The following SGCZ variants were observed in gnomAD, a reference collection of about 807,000 sequenced individuals.
SGCZ encodes zeta-sarcoglycan.
Under a neutral mutation model 41.3 loss-of-function variants are expected in SGCZ, and 40 were observed. The observed-to-expected ratio is 0.97, with a 90% CI of 0.75 to 1.26. The LOEUF (loss-of-function observed/expected upper bound fraction) is 1.26, where lower values mean the gene tolerates loss of function less well. SGCZ is among the 50% of genes most tolerant of loss of function. The probability of loss-of-function intolerance (pLI) is 0.00; values close to 1 mark genes in which losing one functional copy is unlikely to be tolerated. For synonymous variants in SGCZ, 206 were observed against 137.5 expected (o/e 1.50, Z -3.49); for missense variants, 552 against 369.8 (o/e 1.49, Z -4.04).
At chr8:15,230,414 T>C (rs1049582016) in intron 1 of SGCZ, among the ~76,000 whole-genome samples, 42 of 152,216 alleles carry the variant, frequency 2.8e-4, no homozygotes, top group African/African-American at 9.6e-4. Context: ...TATTCTACTA[T>C]CTGTTAACCT....
chr8:14,613,655 T>C (rs1806002544), intron 1 of SGCZ, among the ~76,000 whole-genome samples: 1 of 152,200 alleles, frequency 6.6e-6, no homozygotes. Context: ...ATCATGTAAA[T>C]GATATGCAAA....
chr8:14,971,899 C>G (rs927407962), intron 1 of SGCZ, among the ~76,000 whole-genome samples: 1 of 151,964 alleles, frequency 6.6e-6, no homozygotes, highest in Non-Finnish European at 1.5e-5. Flanking sequence ...CACCCTGCCT[C>G]GGCCTCCCAT....
At chr8:14,382,877 G>A (rs1563293225) in intron 2 of SGCZ, among the ~76,000 whole-genome samples, 2 of 152,148 alleles carry the variant, frequency 1.3e-5, no homozygotes, top group Non-Finnish European at 2.9e-5. Flanking sequence ...AATGGTTACT[G>A]ACCTCCAGTA....
intron 1 of SGCZ, among the ~76,000 whole-genome samples, chr8:15,098,211 G>A (rs1220627033): frequency 6.6e-6 from 1 of 151,534 alleles, no homozygotes; most frequent in East Asian, 1.9e-4. Flanking sequence ...AAGACAGAAA[G>A]GAGTGAAAAA....
At chr8:14,592,573 T>C (rs181047663) in intron 1 of SGCZ, among the ~76,000 whole-genome samples, 217 of 150,644 alleles carry the variant, frequency 1.4e-3, no homozygotes, top group Non-Finnish European at 2.5e-3. Context: ...ACACCTAGCA[T>C]ATTTTATTAC....
chr8:15,155,067 G>A (rs1168543291), intron 1 of SGCZ, among the ~76,000 whole-genome samples: 7 of 152,132 alleles, frequency 4.6e-5, no homozygotes, highest in South Asian at 2.1e-4. Context: ...CAAGGAAAGT[G>A]GATAGCTTGA....
At chr8:14,910,300 AT>A (rs1307932638) in intron 1 of SGCZ, among the ~76,000 whole-genome samples, 5 of 152,082 alleles carry the variant, frequency 3.3e-5, no homozygotes, top group Non-Finnish European at 5.9e-5. Flanking sequence ...ATTGATATAT[AT>A]TTAGTCAGTT....
At chr8:14,342,370 G>A (rs1802740476) in intron 2 of SGCZ, among the ~76,000 whole-genome samples, 1 of 152,116 alleles carries the variant, frequency 6.6e-6, no homozygotes, top group Admixed American at 6.5e-5. Context: ...AGGCTGGAGT[G>A]CACTGGCGCT....
At chr8:14,487,572 T>C in intron 2 of SGCZ, among the ~76,000 whole-genome samples, 1 of 122,710 alleles carries the variant, frequency 8.1e-6, no homozygotes, top group East Asian at 2.5e-4. Flanking sequence ...TTAGTGATAA[T>C]TTATTTCAAT....
intron 3 of SGCZ, among the ~76,000 whole-genome samples, chr8:14,270,493 C>T (rs1326851735): frequency 6.6e-6 from 1 of 152,062 alleles, no homozygotes; most frequent in Non-Finnish European, 1.5e-5. Context: ...TCTAAATCAA[C>T]ATGGCCCAAG....
At chr8:14,888,784 G>A (rs1271305527) in intron 1 of SGCZ, among the ~76,000 whole-genome samples, 1 of 151,814 alleles carries the variant, frequency 6.6e-6, no homozygotes, top group Non-Finnish European at 1.5e-5. Context: ...ACATTCATTT[G>A]TTTTTCTCAA....
At chr8:14,205,070 G>C (rs989261133) in intron 4 of SGCZ, among the ~76,000 whole-genome samples, 2 of 151,898 alleles carry the variant, frequency 1.3e-5, no homozygotes, top group African/African-American at 4.8e-5. Context: ...TATACTATTG[G>C]TTTTCTCTCT....
intron 1 of SGCZ, among the ~76,000 whole-genome samples, chr8:14,707,210 TG>T (rs1809361825): frequency 8.9e-6 from 1 of 112,800 alleles, no homozygotes; most frequent in Non-Finnish European, 1.7e-5. Flanking sequence ...CAGTCCCCAG[TG>T]TGTGATGTTC....
At chr8:14,303,485 G>C (rs780769929) in intron 3 of SGCZ, among the ~76,000 whole-genome samples, 4 of 152,062 alleles carry the variant, frequency 2.6e-5, no homozygotes, top group Non-Finnish European at 4.4e-5. Flanking sequence ...TCATAGACTA[G>C]AAGTCCTAGG....
chr8:14,400,895 T>G (rs562082420), intron 2 of SGCZ, among the ~76,000 whole-genome samples: 1 of 152,272 alleles, frequency 6.6e-6, no homozygotes, highest in South Asian at 2.1e-4. Context: ...AATTAATTTA[T>G]GTAACTGAAT....
intron 1 of SGCZ, among the ~76,000 whole-genome samples, chr8:14,952,574 C>T (rs1800674268): frequency 6.6e-6 from 1 of 152,150 alleles, no homozygotes; most frequent in Non-Finnish European, 1.5e-5. Flanking sequence ...TCCTCACCCT[C>T]TAGCAAATAA....
intron 1 of SGCZ, among the ~76,000 whole-genome samples, chr8:15,054,273 C>T (rs1804624134): frequency 6.6e-6 from 1 of 152,168 alleles, no homozygotes; most frequent in South Asian, 2.1e-4. Flanking sequence ...TATCTTACTT[C>T]CCTTCTGATG....
chr8:15,138,008 G>T (rs1358250818), intron 1 of SGCZ, among the ~76,000 whole-genome samples: 7 of 152,158 alleles, frequency 4.6e-5, no homozygotes, highest in East Asian at 1.9e-4. Context: ...CCCGGAGGGG[G>T]ACTGTACCCT....
At chr8:14,675,083 C>A (rs1461917478) in intron 1 of SGCZ, among the ~76,000 whole-genome samples, 2 of 151,272 alleles carry the variant, frequency 1.3e-5, no homozygotes, top group South Asian at 4.2e-4. Context: ...GGACTATAGG[C>A]ACCCGCCACC....
Sources: allele counts gnomAD v4.1 joint callset (sites outside exome capture counted in the v4.1 genomes callset), GRCh38; gene constraint gnomAD v4.1.1; transcripts MANE v1.5; gene names NCBI Gene and HGNC (gene_info 2026-07-23, HGNC 2026-07-21).